DIAPH2: variants seen among roughly 807,000 people sequenced by gnomAD.
The protein encoded by DIAPH2 is diaphanous related formin 2, also known as protein diaphanous homolog 2.
Under a neutral mutation model 92.7 loss-of-function variants are expected in DIAPH2, and 35 were observed. That is an observed-to-expected ratio of 0.38 (90% CI 0.29 to 0.50). The LOEUF is 0.50. DIAPH2 is among the 20% of genes least tolerant of loss of function. The pLI is 0.94. For synonymous variants in DIAPH2, 301 were observed against 280.4 expected, an observed-to-expected ratio of 1.07 and a Z score of -0.73; for missense variants, 701 against 819.5, an observed-to-expected ratio of 0.86 and a Z score of 1.77.
At chrX:97,019,891 A>G (rs2066286162) in intron 17 of DIAPH2, among the ~76,000 whole-genome samples, 1 of 112,409 alleles carries the variant, frequency 8.9e-6, no homozygotes, top group African/African-American at 3.2e-5. Context: ...AAAAATCACA[A>G]AAGACTAGGA....
chrX:96,825,835 CT>C (rs758858761), intron 4 of DIAPH2, among the ~76,000 whole-genome samples: 2 of 111,077 alleles, frequency 1.8e-5, no homozygotes, highest in Non-Finnish European at 3.8e-5. Context: ...ACCACTCCTC[CT>C]TATCTATCAG....
chrX:97,540,621 G>T (rs1234597249), intron 26 of DIAPH2, among the ~76,000 whole-genome samples: 2 of 111,770 alleles, frequency 1.8e-5, no homozygotes, highest in Non-Finnish European at 3.8e-5. Context: ...AATTAAAAAC[G>T]CAAAGAAAAA....
intron 24 of DIAPH2, among the ~76,000 whole-genome samples, chrX:97,371,376 C>T (rs968719444): frequency 9.0e-6 from 1 of 111,177 alleles, no homozygotes. Context: ...GGCAATATGG[C>T]GGTTCCTGGG....
chrX:97,036,745 C>T (rs944495832), intron 17 of DIAPH2, among the ~76,000 whole-genome samples: 5 of 111,759 alleles, frequency 4.5e-5, no homozygotes, highest in Non-Finnish European at 1.9e-5. Context: ...GAGAGAGAGT[C>T]GATTGACAAA....
intron 26 of DIAPH2, among the ~76,000 whole-genome samples, chrX:97,541,021 G>A (rs1262651853): frequency 9.0e-6 from 1 of 111,484 alleles, no homozygotes; most frequent in African/African-American, 3.3e-5. Context: ...GAAAAAATCT[G>A]AGGAAGTGCT....
At chrX:97,121,414 C>G (rs751512199) in intron 21 of DIAPH2, among the ~76,000 whole-genome samples, 2 of 111,779 alleles carry the variant, frequency 1.8e-5, no homozygotes, top group East Asian at 5.6e-4. Flanking sequence ...TTGTCCTTCA[C>G]AAGACTCAGA....
At chrX:97,471,971 A>G (rs2070567897) in intron 26 of DIAPH2, among the ~76,000 whole-genome samples, 1 of 111,449 alleles carries the variant, frequency 9.0e-6, no homozygotes, top group Non-Finnish European at 1.9e-5. Flanking sequence ...CCTGCATGCT[A>G]TTTCCTTACA....
chrX:96,956,181 G>T (rs775107935), intron 15 of DIAPH2, among the ~76,000 whole-genome samples: 3 of 112,910 alleles, frequency 2.7e-5, no homozygotes, highest in African/African-American at 6.4e-5. Flanking sequence ...GCTCAACACC[G>T]CTTGGAAGTT....
chrX:96,794,331 C>T (rs2064523316), intron 4 of DIAPH2, among the ~76,000 whole-genome samples: 1 of 110,571 alleles, frequency 9.0e-6, no homozygotes, highest in South Asian at 3.9e-4. Context: ...TTCTTAGTGC[C>T]GAGTACAATG....
intron 5 of DIAPH2, among the ~76,000 whole-genome samples, chrX:96,890,028 C>T (rs1169759559): frequency 4.5e-5 from 5 of 112,010 alleles, no homozygotes; most frequent in African/African-American, 1.6e-4. Context: ...AGATGACCTA[C>T]ATTTTTAAAG....
At chrX:97,062,753 C>G (rs1232590902) in intron 17 of DIAPH2, among the ~76,000 whole-genome samples, 1 of 111,022 alleles carries the variant, frequency 9.0e-6, no homozygotes, top group Admixed American at 9.6e-5. Flanking sequence ...AAACAAGGAG[C>G]CAGGTGTGGT....
chrX:97,348,249 G>T lies in DIAPH2; in HGVS notation c.2978G>T (p.Gly993Val). Residue 993 changes from glycine (G) to valine (V), a missense_variant, in exon 24 of 27, where the codon GGT becomes GTT. By Grantham distance (109) the Gly-to-Val change is moderately radical. Coordinates refer to ENST00000324765, the MANE Select transcript of DIAPH2 (RefSeq NM_006729.5). ...SKTVSIEEFF[G>V]DLNNFRTLFL... ...ACAGTGAGCATAGAAGAGTTCTTTG[G>T]TGATCTCAACAACTTCCGAACTTTG... 1.7e-6 allele frequency: 2 copies of T among 1,207,594 alleles called. No homozygotes were observed. Among genetic ancestry groups the T allele is most frequent in the Non-Finnish European group, 2.2e-6 (2 of 894,118 alleles).
At chrX:96,905,068 A>G (rs990383961) in intron 5 of DIAPH2, among the ~76,000 whole-genome samples, 1 of 111,628 alleles carries the variant, frequency 9.0e-6, no homozygotes, top group Non-Finnish European at 1.9e-5. Flanking sequence ...ACTAGCCTTT[A>G]GCACTGCACA....
At chrX:97,207,829 T>G (rs888693583) in intron 22 of DIAPH2, among the ~76,000 whole-genome samples, 2 of 111,911 alleles carry the variant, frequency 1.8e-5, no homozygotes, top group Non-Finnish European at 3.8e-5. Flanking sequence ...AATTCTTTCT[T>G]TTATTTTGTC....
chrX:96,888,068 T>C (rs1393453279), intron 5 of DIAPH2, among the ~76,000 whole-genome samples: 3 of 105,482 alleles, frequency 2.8e-5, no homozygotes, highest in Non-Finnish European at 5.9e-5. Flanking sequence ...CTCTCTCTCT[T>C]TTTTTTTTTG....
intron 22 of DIAPH2, among the ~76,000 whole-genome samples, chrX:97,145,049 G>A (rs1289247516): frequency 1.8e-5 from 2 of 111,918 alleles, no homozygotes; most frequent in African/African-American, 3.2e-5. Context: ...ACAGGCGTGA[G>A]CCACCGCACC....
intron 5 of DIAPH2, among the ~76,000 whole-genome samples, chrX:96,908,894 C>T (rs1004139950): frequency 8.9e-6 from 1 of 111,896 alleles, no homozygotes; most frequent in Admixed American, 9.5e-5. Context: ...CCACCGCTCC[C>T]GGCCCTCAAC....
intron 23 of DIAPH2, among the ~76,000 whole-genome samples, chrX:97,317,185 G>GC (rs1556024746): frequency 1.8e-5 from 2 of 111,214 alleles, no homozygotes; most frequent in Non-Finnish European, 3.8e-5. Context: ...GTCATAATTT[G>GC]TTTTTTTTAG....
chrX:96,946,900 T>C (rs1351654098), intron 14 of DIAPH2, among the ~76,000 whole-genome samples: 1 of 111,706 alleles, frequency 9.0e-6, no homozygotes, highest in African/African-American at 3.3e-5. Context: ...AATGAAAACA[T>C]GTATGGTCTC....
Sources: gnomAD v4.1 joint callset for allele counts (sites outside exome capture counted in the v4.1 genomes callset) on GRCh38, gnomAD v4.1.1 for gene constraint, MANE v1.5 for transcripts, NCBI Gene and HGNC (gene_info 2026-07-23, HGNC 2026-07-21) for gene names.